Variants in SEMA3A observed in about 807,000 individuals in gnomAD.
The protein encoded by SEMA3A is semaphorin 3A.
Under a neutral mutation model 97.9 loss-of-function variants are expected in SEMA3A, and 29 were observed. The observed-to-expected ratio is 0.30, with a 90% CI of 0.22 to 0.40. The LOEUF (loss-of-function observed/expected upper bound fraction) is 0.40, where lower values mean the gene tolerates loss of function less well. Ranked by LOEUF, SEMA3A falls within the 10% of genes least tolerant of loss-of-function variation. The probability of loss-of-function intolerance (pLI) is 1.00; values close to 1 mark genes in which losing one functional copy is unlikely to be tolerated. For synonymous variants in SEMA3A, 321 were observed against 323.7 expected, an observed-to-expected ratio of 0.99 and a Z score of 0.09; for missense variants, 763 against 951.3, an observed-to-expected ratio of 0.80 and a Z score of 2.60.
At chr7:84,179,926 C>G (rs1442983542) in intron 1 of SEMA3A, among the ~76,000 whole-genome samples, 1 of 143,084 alleles carries the variant, frequency 7.0e-6, no homozygotes, top group Non-Finnish European at 1.5e-5. Context: ...ACTTTCATAT[C>G]TAGTATGTTT....
chr7:84,364,089 G>A (rs1299004219), intron 2 of SEMA3A, among the ~76,000 whole-genome samples: 1 of 138,562 alleles, frequency 7.2e-6, no homozygotes, highest in Non-Finnish European at 1.6e-5. Flanking sequence ...ATATGTATTG[G>A]TTAACATATG....
rs181028622 is a variant in SEMA3A, at chr7:84,404,412, G to A, written c.-245-32512C>T. Among the ~76,000 whole-genome samples the A allele has an allele frequency of 7.9e-5, 12 of 152,284 alleles. No individual in the cohort carries two copies. In the East Asian group the frequency reaches 1.2e-3, roughly 15 times the overall value. ...GACTATGTGAAAAGACCAAATCTACGTCTAATTGGTGTACCTGAAAGTGAC... is the reference window on the plus strand; with the variant it reads ...GACTATGTGAAAAGACCAAATCTACATCTAATTGGTGTACCTGAAAGTGAC... On this transcript the variant is annotated intron_variant, in intron 1 of 3. Transcript: ENST00000424555.
intron 12 of SEMA3A, among the ~76,000 whole-genome samples, chr7:83,994,789 C>T (rs981411862): frequency 4.1e-4 from 62 of 151,972 alleles, no homozygotes; most frequent in Non-Finnish European, 6.5e-4. Flanking sequence ...GCCCTGCCCC[C>T]AGAGGTGGAG....
In SEMA3A at chr7:84,175,006, T is replaced by C. The variant is rs148241338; in HGVS notation, c.112+19469A>G. On this transcript the variant is annotated intron_variant, in intron 1 of 16. Transcript: ENST00000265362. ...TTAATCTTTTTTTTCTTTTTTACTG[T>C]AATGAGTATGCGTAATTGAACTCTT... Among the ~76,000 whole-genome samples, 28 of 152,340 alleles carry C rather than the reference T, an allele frequency of 1.8e-4. No homozygotes were observed. The East Asian group carries it at 5.4e-3, about 29-fold the overall frequency.
chr7:84,153,638 C>T (rs914092287), intron 1 of SEMA3A, among the ~76,000 whole-genome samples: 1 of 152,070 alleles, frequency 6.6e-6, no homozygotes, highest in Non-Finnish European at 1.5e-5. Context: ...ATTTAAACAA[C>T]TCTGCCATGA....
At chr7:84,067,471 C>G (rs1277026503) in intron 4 of SEMA3A, among the ~76,000 whole-genome samples, 1 of 151,114 alleles carries the variant, frequency 6.6e-6, no homozygotes, top group African/African-American at 2.4e-5. Flanking sequence ...AAACTACCAT[C>G]AGAGTGAACA....
chr7:84,472,177 G>C (rs1245178264), intron 1 of SEMA3A, among the ~76,000 whole-genome samples: 1 of 152,016 alleles, frequency 6.6e-6, no homozygotes, highest in African/African-American at 2.4e-5. Context: ...ATAAGTAAAA[G>C]AGAAAAATGA....
chr7:84,013,362 A>G (rs768524186), intron 7 of SEMA3A, among the ~76,000 whole-genome samples: 7 of 152,202 alleles, frequency 4.6e-5, no homozygotes, highest in Non-Finnish European at 1.0e-4. Flanking sequence ...GCAATATTAC[A>G]TTTGACATTA....
intron 2 of SEMA3A, among the ~76,000 whole-genome samples, chr7:84,329,007 T>G (rs1801842733): frequency 6.6e-6 from 1 of 151,914 alleles, no homozygotes; most frequent in Non-Finnish European, 1.5e-5. Flanking sequence ...CTGGGAGACA[T>G]GTGCAGAACG....
chr7:84,223,307 G>T (rs1234148143), intron 3 of SEMA3A, among the ~76,000 whole-genome samples: 1 of 151,788 alleles, frequency 6.6e-6, no homozygotes, highest in African/African-American at 2.4e-5. Flanking sequence ...ATGTATGTTT[G>T]CATGTGTGTA....
intron 3 of SEMA3A, chr7:84,306,618 G>T (rs888577879): frequency 1.3e-5 from 2 of 152,166 alleles, no homozygotes; most frequent in East Asian, 3.9e-4. Context: ...AAACCTTTAT[G>T]GTTGAAAAGC....
intron 1 of SEMA3A, among the ~76,000 whole-genome samples, chr7:84,431,485 T>C (rs916297625): frequency 6.6e-6 from 1 of 151,974 alleles, no homozygotes. Context: ...AAAAAGCATA[T>C]GCTCACTCTT....
At chr7:84,306,813 G>A (rs1429678311) in intron 3 of SEMA3A, among the ~76,000 whole-genome samples, 1 of 152,066 alleles carries the variant, frequency 6.6e-6, no homozygotes, top group Non-Finnish European at 1.5e-5. Context: ...CCATATGTGG[G>A]CCAATAAATG....
intron 1 of SEMA3A, among the ~76,000 whole-genome samples, chr7:84,480,435 T>C (rs149598951): frequency 6.6e-6 from 1 of 152,308 alleles, no homozygotes; most frequent in African/African-American, 2.4e-5. Flanking sequence ...TTTTCTTCCA[T>C]TAGCTAATTT....
intron 1 of SEMA3A, among the ~76,000 whole-genome samples, chr7:84,381,770 C>G (rs571451896): frequency 6.6e-6 from 1 of 152,056 alleles, no homozygotes; most frequent in South Asian, 2.1e-4. Context: ...TCCTAACACG[C>G]AATAGTTTTG....
At chr7:84,328,515 A>G (rs1801826996) in intron 2 of SEMA3A, among the ~76,000 whole-genome samples, 1 of 152,000 alleles carries the variant, frequency 6.6e-6, no homozygotes, top group Admixed American at 6.6e-5. Context: ...ATCTTTGAAA[A>G]ACGCAATGTT....
chr7:84,467,885 T>C (rs921110930), intron 1 of SEMA3A, among the ~76,000 whole-genome samples: 2 of 152,168 alleles, frequency 1.3e-5, no homozygotes, highest in African/African-American at 2.4e-5. Flanking sequence ...AACATTATTA[T>C]AGTATTTTTA....
At chr7:84,150,933 CTGA>C in intron 1 of SEMA3A, among the ~76,000 whole-genome samples, 9 of 149,776 alleles carry the variant, frequency 6.0e-5, no homozygotes, top group Non-Finnish European at 1.0e-4. Flanking sequence ...TCCCTGACCC[CTGA>C]CCCCTGAGCA....
At chr7:84,106,380 T>C (rs1250100363) in intron 4 of SEMA3A, among the ~76,000 whole-genome samples, 3 of 152,140 alleles carry the variant, frequency 2.0e-5, no homozygotes, top group African/African-American at 7.2e-5. Flanking sequence ...TTTATAGCCT[T>C]AGGAGCAATA....
Sources: allele counts gnomAD v4.1 joint callset (sites outside exome capture counted in the v4.1 genomes callset), GRCh38; gene constraint gnomAD v4.1.1; transcripts MANE v1.5; gene names NCBI Gene and HGNC (gene_info 2026-07-23, HGNC 2026-07-21).